PCYOX1: variants seen among roughly 807,000 people sequenced by gnomAD.
PCYOX1 encodes prenylcysteine oxidase 1, also known as prenylcysteine lyase.
In PCYOX1, 46 loss-of-function variants were observed where a neutral mutation model predicts 46.4. That is an observed-to-expected ratio of 0.99 (90% CI 0.78 to 1.27). The LOEUF is 1.27. Ranked by LOEUF, PCYOX1 falls within the 50% of genes most tolerant of loss-of-function variation. The pLI, the probability that PCYOX1 is intolerant of heterozygous loss-of-function variation, is 0.00. For synonymous variants in PCYOX1, 220 were observed against 231.8 expected (o/e 0.95, Z 0.46); for missense variants, 658 against 628.3 (o/e 1.05, Z -0.51).
intron 3 of PCYOX1, among the ~76,000 whole-genome samples, chr2:70,265,705 G>C (rs1438505930): frequency 6.6e-6 from 1 of 152,126 alleles, no homozygotes; most frequent in Non-Finnish European, 1.5e-5. Flanking sequence ...TCTGCTGATG[G>C]CTTCCTGTTG....
chr2:70,275,992 C>G (rs532971205), intron 5 of PCYOX1, among the ~76,000 whole-genome samples: 1 of 149,584 alleles, frequency 6.7e-6, no homozygotes, highest in Non-Finnish European at 1.5e-5. Flanking sequence ...CCCAGCTACT[C>G]GGGAGGCTGA....
At chr2:70,268,625 C>T (rs935598693) in intron 3 of PCYOX1, among the ~76,000 whole-genome samples, 2 of 151,930 alleles carry the variant, frequency 1.3e-5, no homozygotes, top group African/African-American at 4.8e-5. Flanking sequence ...TGGTGAAACC[C>T]CTTCTCTACT....
At chr2:70,259,690 T>C (rs1478645079) in intron 2 of PCYOX1, 124 bp downstream of exon 2, 6 of 736,436 alleles carry the variant, frequency 8.1e-6, no homozygotes, top group African/African-American at 1.8e-5. Flanking sequence ...TAAAACTGTT[T>C]TCCTCACTTT....
intron 1 of PCYOX1, 70 bp from the exon 2 acceptor site, chr2:70,259,290 T>C: frequency 7.0e-7 from 1 of 1,426,848 alleles, no homozygotes; most frequent in Admixed American, 1.7e-5. Context: ...TTGATGGTCT[T>C]TCAAAAACAA....
intron 5 of PCYOX1, among the ~76,000 whole-genome samples, chr2:70,276,186 T>G (rs1696668989): frequency 6.6e-6 from 1 of 152,040 alleles, no homozygotes; most frequent in Non-Finnish European, 1.5e-5. Context: ...CTTTTTTTTT[T>G]TTGAGATGGA....
Position 70,275,521 on chromosome 2 carries a change from G to A in PCYOX1, c.714G>A (p.Val238=), listed in dbSNP as rs769677173. ...STDINAFVGA[V]SLSCSDSGLW... ...TTTTCCTCCTATTGACAGGGGCGGT[G>A]TCACTGTCCTGTTCTGATTCTGGCC... The change falls in exon 5 of 6, where the codon GTG becomes GTA. Residue 238 remains valine, a synonymous_variant. Coordinates refer to ENST00000433351, the MANE Select transcript of PCYOX1 (RefSeq NM_016297.4). 26 of 1,613,950 alleles carry A rather than the reference G, an allele frequency of 1.6e-5. 1 individual carries two copies. Among genetic ancestry groups the A allele is most frequent in the Admixed American group, 5.0e-5 (3 of 59,968 alleles).
upstream of PCYOX1, chr2:70,258,075 C>T (rs1298644226): frequency 2.8e-6 from 3 of 1,082,148 alleles, no homozygotes; most frequent in African/African-American, 1.7e-5. Context: ...GGCTGGGCGG[C>T]CTGGGGGCGG....
chr2:70,268,791 GAA>G (rs762845553), intron 3 of PCYOX1, among the ~76,000 whole-genome samples: 6 of 108,196 alleles, frequency 5.5e-5, no homozygotes, highest in East Asian at 2.6e-4. Flanking sequence ...CTCTGTCTCA[GAA>G]AAAAAAAAAA....
chr2:70,266,676 T>C (rs6760343), intron 3 of PCYOX1, among the ~76,000 whole-genome samples: 3,023 of 151,964 alleles, frequency 0.02, 88 homozygotes, highest in African/African-American at 0.069. Flanking sequence ...TCTTAACGAG[T>C]ATGCTGCCTT....
At chr2:70,267,998 A>G (rs542215670) in intron 3 of PCYOX1, among the ~76,000 whole-genome samples, 1 of 151,922 alleles carries the variant, frequency 6.6e-6, no homozygotes, top group South Asian at 2.1e-4. Context: ...TTTAGTAGAG[A>G]TGGGGTTTCA....
intron 2 of PCYOX1, among the ~76,000 whole-genome samples, chr2:70,260,812 C>T (rs1456933075): frequency 1.3e-5 from 2 of 152,206 alleles, no homozygotes; most frequent in Admixed American, 1.3e-4. Context: ...GTAGATGCTG[C>T]CTCTGCTTCC....
At position 70,271,146 on chromosome 2, in the gene PCYOX1, C is replaced by A. The variant is rs182059202; in HGVS notation, c.495-3813C>A. Among the ~76,000 whole-genome samples the A allele has an allele frequency of 2.2e-3, 335 of 152,114 alleles. 1 individual carries two copies. Among genetic ancestry groups the A allele is most frequent in the African/African-American group, 6.7e-3 (277 of 41,514 alleles). Reference sequence around the variant, plus strand: ...GCAGTGGTGTGATCACAGCTCACTGCAGCCTCAACCAGCGGGGCTGAAGTG... The same window carrying A: ...GCAGTGGTGTGATCACAGCTCACTGAAGCCTCAACCAGCGGGGCTGAAGTG... On this transcript the variant is annotated intron_variant, in intron 3 of 5. Coordinates refer to ENST00000433351, the MANE Select transcript of PCYOX1 (RefSeq NM_016297.4).
chr2:70,273,108 A>G (rs949999303), intron 3 of PCYOX1, among the ~76,000 whole-genome samples: 2 of 152,146 alleles, frequency 1.3e-5, no homozygotes, highest in African/African-American at 4.8e-5. Flanking sequence ...CCTCCCAGGG[A>G]GACTTGCTTG....
chr2:70,272,760 G>A (rs1477834156), intron 3 of PCYOX1, among the ~76,000 whole-genome samples: 3 of 151,992 alleles, frequency 2.0e-5, no homozygotes, highest in Non-Finnish European at 1.5e-5. Context: ...GTGCAGTGGT[G>A]TGATCTTGAC....
At position 70,274,945 on chromosome 2, in the gene PCYOX1, C is replaced by T; in HGVS notation, c.495-14C>T. On this transcript the variant is annotated splice_polypyrimidine_tract_variant and intron_variant, in intron 3 of 5. Coordinates refer to ENST00000433351, the MANE Select transcript of PCYOX1 (RefSeq NM_016297.4). ...CTTGTTTGGTATTTAATGGATTTCT[C>T]TTCTTTTCCAAAGGATCTACCGCTA... 6.6e-7 allele frequency: 1 copy of T among 1,514,382 alleles called. No homozygotes were observed. Among genetic ancestry groups the T allele is most frequent in the Non-Finnish European group, 9.2e-7 (1 of 1,089,008 alleles). The allele number at this position is 1,514,382 out of a possible 1,614,324, so 93.8% of individuals were successfully genotyped here. A position where few individuals can be genotyped will look rare whatever the true frequency, so the allele number is the denominator to read the frequency against.
intron 3 of PCYOX1, among the ~76,000 whole-genome samples, chr2:70,267,765 A>T (rs1205941947): frequency 1.4e-5 from 2 of 146,272 alleles, no homozygotes; most frequent in Admixed American, 6.8e-5. Context: ...GCTCGGCATC[A>T]GAGGGAGACC....
chr2:70,267,615 C>G (rs966698287), intron 3 of PCYOX1, among the ~76,000 whole-genome samples: 19 of 152,232 alleles, frequency 1.2e-4, no homozygotes, highest in African/African-American at 4.1e-4. Context: ...CGGTGAAACC[C>G]CGTCTCCACC....
Position 70,280,584 on chromosome 2 carries a change from C to T in PCYOX1, c.*3192C>T, listed in dbSNP as rs1311020891. 6.6e-6 allele frequency: 1 copy of T among 152,122 alleles called. No individual in the cohort carries two copies. The highest frequency in any genetic ancestry group is 1.5e-5 in the Non-Finnish European group (1 of 68,024). The allele number at this position is 152,122 out of a possible 1,614,324, so 9.4% of individuals were successfully genotyped here. On this transcript the variant is annotated 3_prime_UTR_variant, in exon 6 of 6. Transcript: ENST00000433351. Reference sequence around the variant, plus strand: ...TGATGCTGCTGTTCTACTATAGGAACCACACTTGAAGAACTAGTTCTACAA... The same window carrying T: ...TGATGCTGCTGTTCTACTATAGGAATCACACTTGAAGAACTAGTTCTACAA...
chr2:70,274,717 C>G, intron 3 of PCYOX1: 2 of 472,454 alleles, frequency 4.2e-6, no homozygotes, highest in South Asian at 4.2e-5. Context: ...GCATACACCA[C>G]TATGCCTGGT....
Sources: gnomAD v4.1 joint callset for allele counts (sites outside exome capture counted in the v4.1 genomes callset) on GRCh38, gnomAD v4.1.1 for gene constraint, MANE v1.5 for transcripts, NCBI Gene and HGNC (gene_info 2026-07-23, HGNC 2026-07-21) for gene names.